The following AGPAT5 variants were observed in gnomAD, a reference collection of about 807,000 sequenced individuals.
AGPAT5 encodes 1-acyl-sn-glycerol-3-phosphate acyltransferase epsilon.
AGPAT5 carries 46 observed loss-of-function variants against 45.6 expected under a neutral mutation model. That is an observed-to-expected ratio of 1.01 (90% CI 0.80 to 1.29). The LOEUF (loss-of-function observed/expected upper bound fraction) is 1.29, where lower values mean the gene tolerates loss of function less well. Among genes scored for constraint, AGPAT5 ranks in the 50% most tolerant of loss-of-function variants. AGPAT5 has a pLI of 0.00. For missense variants in AGPAT5, 673 were observed against 450.7 expected (o/e 1.49, Z -4.47); for synonymous variants, 272 against 167.0 (o/e 1.63, Z -4.85).
At chr8:6,739,547 G>A (rs990613119) in intron 4 of AGPAT5, among the ~76,000 whole-genome samples, 1 of 151,918 alleles carries the variant, frequency 6.6e-6, no homozygotes, top group African/African-American at 2.4e-5. Context: ...TATTGTAGAT[G>A]ACATTTAAAA....
In AGPAT5 at chr8:6,755,193, A is replaced by G. The variant is rs1241848773; in HGVS notation, c.869+19A>G. 2.5e-6 allele frequency: 4 copies of G among 1,589,386 alleles called. No individual in the cohort carries two copies. The highest frequency in any genetic ancestry group is 2.0e-5 in the Admixed American group (1 of 50,812). On this transcript the variant is annotated intron_variant, in intron 7 of 7. Coordinates refer to ENST00000285518, the MANE Select transcript of AGPAT5 (RefSeq NM_018361.5). Reference sequence around the variant, plus strand: ...AAGATAAGTGAGTAACAACAGTTCCAGCACTTCCGGAACTTCGGTTCAACT... The same window carrying G: ...AAGATAAGTGAGTAACAACAGTTCCGGCACTTCCGGAACTTCGGTTCAACT...
chr8:6,713,488 A>C (rs1800221674), intron 1 of AGPAT5, among the ~76,000 whole-genome samples: 1 of 152,244 alleles, frequency 6.6e-6, no homozygotes, highest in Admixed American at 6.5e-5. Flanking sequence ...TGTGAAAAAC[A>C]CAAGAAAGAA....
intron 1 of AGPAT5, among the ~76,000 whole-genome samples, chr8:6,712,089 T>C (rs1563279600): frequency 6.6e-6 from 1 of 152,226 alleles, no homozygotes; most frequent in Non-Finnish European, 1.5e-5. Flanking sequence ...TTTGTAGTTA[T>C]TTCGTAGTTT....
rs772028188 is a variant in AGPAT5, at chr8:6,730,788, T to A, written c.367T>A (p.Leu123Ile). Residue 123 changes from leucine to isoleucine, a missense_variant, in exon 3 of 8, where the codon TTA becomes ATA. By Grantham distance (5) the Leu-to-Ile change is conservative. Transcript: ENST00000285518. ...TGTGCGCTACGTGCTGAAAGAAGGG[T>A]TAAAATGGCTGCCATTGTATGGGTG... ...GHVRYVLKEG[L>I]KWLPLYGCYF... 3.7e-6 allele frequency: 6 copies of A among 1,613,486 alleles called. No individual in the cohort carries two copies. Among genetic ancestry groups the A allele is most frequent in the Non-Finnish European group, 4.2e-6 (5 of 1,179,568 alleles).
intron 4 of AGPAT5, among the ~76,000 whole-genome samples, chr8:6,736,730 G>C (rs900663579): frequency 6.6e-6 from 1 of 152,248 alleles, no homozygotes; most frequent in Non-Finnish European, 1.5e-5. Flanking sequence ...CTGAGTTGAA[G>C]GTGAACTGAG....
intron 5 of AGPAT5, chr8:6,745,901 C>T (rs1190757852): frequency 6.6e-6 from 1 of 152,132 alleles, no homozygotes; most frequent in Non-Finnish European, 1.5e-5. Context: ...ATGTTTTGTT[C>T]CTTCAGCCTC....
chr8:6,743,000 C>G (rs1801287677), intron 5 of AGPAT5, among the ~76,000 whole-genome samples: 1 of 152,220 alleles, frequency 6.6e-6, no homozygotes, highest in Admixed American at 6.5e-5. Flanking sequence ...AAAAACCACT[C>G]TCGAATCTGT....
intron 2 of AGPAT5, among the ~76,000 whole-genome samples, chr8:6,727,577 C>T (rs1800730874): frequency 6.6e-6 from 1 of 152,152 alleles, no homozygotes; most frequent in African/African-American, 2.4e-5. Context: ...GATGGGGTTT[C>T]ACCATGTTGG....
intron 2 of AGPAT5, among the ~76,000 whole-genome samples, chr8:6,729,544 G>C (rs1023703090): frequency 1.3e-5 from 2 of 152,084 alleles, no homozygotes; most frequent in African/African-American, 4.8e-5. Context: ...CTCATCAGGA[G>C]ATAGTTTGTA....
Position 6,756,800 on chromosome 8 carries a change from G to A in AGPAT5, c.870-363G>A, listed in dbSNP as rs12678276. ...GCTGGTCCTATCTTTGACTTCTGGC[G>A]GAATAGGAGCTCCATGTAAAAAGGA... On this transcript the variant is annotated intron_variant, in intron 7 of 7. Coordinates refer to ENST00000285518, the MANE Select transcript of AGPAT5 (RefSeq NM_018361.5). Among the ~76,000 whole-genome samples, 93 of 152,192 alleles carry A rather than the reference G, an allele frequency of 6.1e-4. No individual in the cohort carries two copies. The East Asian group carries it at 0.014, about 23-fold the overall frequency.
chr8:6,730,144 G>A lies in AGPAT5; in HGVS notation c.290-567G>A, dbSNP rs372109528. 2.7e-5 allele frequency among the ~76,000 whole-genome samples: 4 copies of A among 150,916 alleles called. No individual in the cohort carries two copies. In the South Asian group the frequency reaches 6.3e-4, roughly 24 times the overall value. On this transcript the variant is annotated intron_variant, in intron 2 of 7. Coordinates refer to ENST00000285518, the MANE Select transcript of AGPAT5 (RefSeq NM_018361.5). ...TTTAGGATTTAGAGAAGCTCATTTT[G>A]TTCCATACACATGCTGCTGTTGGAT...
chr8:6,739,113 A>G (rs910203077), intron 4 of AGPAT5, among the ~76,000 whole-genome samples: 2 of 152,116 alleles, frequency 1.3e-5, no homozygotes, highest in Non-Finnish European at 2.9e-5. Context: ...TGTTATCCCT[A>G]GATCAATGGA....
At chr8:6,754,360 A>G (rs1299752793) in intron 6 of AGPAT5, among the ~76,000 whole-genome samples, 3 of 152,174 alleles carry the variant, frequency 2.0e-5, no homozygotes, top group African/African-American at 7.2e-5. Context: ...ATTATATAAT[A>G]TGTTAAAATA....
chr8:6,741,624 C>A, intron 4 of AGPAT5, 37 bp from the exon 5 acceptor site: 2 of 1,455,628 alleles, frequency 1.4e-6, no homozygotes, highest in East Asian at 2.4e-5. Context: ...AAACAAAGCT[C>A]ACACAAAATA....
intron 3 of AGPAT5, among the ~76,000 whole-genome samples, chr8:6,731,323 G>C (rs1204163425): frequency 1.3e-5 from 2 of 152,036 alleles, no homozygotes; most frequent in Admixed American, 1.3e-4. Flanking sequence ...TTTTCCTTCA[G>C]CATCTGTGGG....
rs2912054 is a variant in AGPAT5 at position 6,743,971 on chromosome 8, G to C, written c.586+2220G>C. Among the ~76,000 whole-genome samples, 12 of 152,018 alleles carry C rather than the reference G, an allele frequency of 7.9e-5. No homozygotes were observed. The South Asian group carries it at 2.3e-3, about 29-fold the overall frequency. ...GAGATTTGAGAGTTCTTTCAAAACA[G>C]GAGAACAAAGGGAATAAGCTACAAA... On this transcript the variant is annotated intron_variant, in intron 5 of 7. Coordinates refer to ENST00000285518, the MANE Select transcript of AGPAT5 (RefSeq NM_018361.5).
chr8:6,722,732 T>A (rs1800546831), intron 1 of AGPAT5, among the ~76,000 whole-genome samples: 1 of 152,234 alleles, frequency 6.6e-6, no homozygotes, highest in South Asian at 2.1e-4. Flanking sequence ...TAAGTTTTTT[T>A]GACGAAAGCA....
rs1017934729 is a variant in AGPAT5 at position 6,757,457 on chromosome 8, A to G, written c.*69A>G. On this transcript the variant is annotated 3_prime_UTR_variant, in exon 8 of 8. Transcript: ENST00000285518. ...TTTTTGGCGGCTGCACATGACATCA[A>G]ATTGTTTCCTGAATTTATTAAGGAG... is the stretch of plus-strand genomic sequence containing the variant. The G allele has an allele frequency of 5.0e-6, 6 of 1,205,434 alleles. No homozygotes were observed. In the African/African-American group the frequency reaches 7.6e-5, roughly 15 times the overall value. The allele number at this position is 1,205,434 out of a possible 1,614,324, so 74.7% of individuals were successfully genotyped here. A position where few individuals can be genotyped will look rare whatever the true frequency, so the allele number is the denominator to read the frequency against.
chr8:6,741,471 C>A (rs187331757), intron 4 of AGPAT5, among the ~76,000 whole-genome samples, 190 bp from the exon 5 acceptor site: 1 of 152,086 alleles, frequency 6.6e-6, no homozygotes, highest in African/African-American at 2.4e-5. Context: ...ATATAGTTCA[C>A]GTTATGTTCA....
Sources: allele counts gnomAD v4.1 joint callset (sites outside exome capture counted in the v4.1 genomes callset), GRCh38; gene constraint gnomAD v4.1.1; transcripts MANE v1.5; gene names NCBI Gene and HGNC (gene_info 2026-07-23, HGNC 2026-07-21).